PEX5L: variants seen among roughly 807,000 people sequenced by gnomAD.
The protein encoded by PEX5L is peroxisomal biogenesis factor 5 like, also known as PEX5-related protein.
A neutral mutation model predicts 84.0 loss-of-function variants in PEX5L; 30 were observed. The ratio of observed to expected loss-of-function variants is 0.36; its 90% CI spans 0.27 to 0.48. PEX5L has a LOEUF of 0.48. PEX5L is among the 20% of genes least tolerant of loss of function. PEX5L has a pLI of 0.99. For missense variants in PEX5L, 533 were observed against 754.6 expected, an observed-to-expected ratio of 0.71 and a Z score of 3.44; for synonymous variants, 270 against 283.1, an observed-to-expected ratio of 0.95 and a Z score of 0.46.
chr3:179,948,252 C>T (rs1366967036), intron 2 of PEX5L, among the ~76,000 whole-genome samples: 1 of 152,106 alleles, frequency 6.6e-6, no homozygotes, highest in African/African-American at 2.4e-5. Context: ...GGCAGATATC[C>T]CCTAAAGTTA....
intron 2 of PEX5L, among the ~76,000 whole-genome samples, chr3:179,904,045 T>C (rs1286037642): frequency 6.6e-6 from 1 of 152,220 alleles, no homozygotes; most frequent in Non-Finnish European, 1.5e-5. Flanking sequence ...GGTTCAGTGA[T>C]CTGTTTGCAG....
intron 7 of PEX5L, among the ~76,000 whole-genome samples, chr3:179,866,844 G>A (rs1748403489): frequency 1.3e-5 from 2 of 151,802 alleles, no homozygotes; most frequent in South Asian, 2.1e-4. Flanking sequence ...GGGCAACATC[G>A]CAAAACCCTG....
chr3:179,951,515 C>G (rs937618236), intron 2 of PEX5L, among the ~76,000 whole-genome samples: 5 of 152,008 alleles, frequency 3.3e-5, no homozygotes, highest in African/African-American at 9.7e-5. Flanking sequence ...TTTCTAGCCC[C>G]ACCTTTCTTC....
intron 1 of PEX5L, among the ~76,000 whole-genome samples, chr3:180,021,395 TG>T: frequency 6.6e-6 from 1 of 152,322 alleles, no homozygotes; most frequent in East Asian, 1.9e-4. Context: ...TAAGTTCAAC[TG>T]TGGAATCAGA....
intron 1 of PEX5L, among the ~76,000 whole-genome samples, chr3:180,005,514 G>A (rs1170315844): frequency 6.6e-6 from 1 of 152,180 alleles, no homozygotes; most frequent in Non-Finnish European, 1.5e-5. Flanking sequence ...GGATCACGAG[G>A]TCAAGAGATC....
chr3:180,006,922 C>A (rs533978404), intron 1 of PEX5L, among the ~76,000 whole-genome samples: 1 of 152,096 alleles, frequency 6.6e-6, no homozygotes, highest in Non-Finnish European at 1.5e-5. Context: ...CCAAACCATA[C>A]GATTCCACCC....
chr3:179,906,088 G>A (rs796999028), intron 2 of PEX5L, among the ~76,000 whole-genome samples: 29 of 152,250 alleles, frequency 1.9e-4, no homozygotes, highest in African/African-American at 5.8e-4. Context: ...AGATGTTGCC[G>A]GGTAAAGATG....
chr3:180,011,632 G>T (rs1224242562), intron 1 of PEX5L, among the ~76,000 whole-genome samples: 3 of 152,162 alleles, frequency 2.0e-5, no homozygotes, highest in Non-Finnish European at 4.4e-5. Flanking sequence ...TTAAGTGATT[G>T]TAAATAAAAT....
intron 2 of PEX5L, among the ~76,000 whole-genome samples, chr3:179,931,897 G>A (rs575890250): frequency 6.6e-6 from 1 of 151,304 alleles, no homozygotes; most frequent in Admixed American, 6.6e-5. Flanking sequence ...AGTGTTTTTG[G>A]ATGGCAGATT....
chr3:179,832,211 T>C (rs964401538), intron 8 of PEX5L, among the ~76,000 whole-genome samples: 5 of 151,810 alleles, frequency 3.3e-5, no homozygotes, highest in African/African-American at 7.3e-5. Flanking sequence ...GATTAGATGT[T>C]GGGGTGGGGT....
At chr3:179,888,172 G>A (rs1357619361) in intron 3 of PEX5L, 1 of 1,289,762 alleles carries the variant, frequency 7.8e-7, no homozygotes, top group Admixed American at 2.3e-5. Context: ...ACTCAAAGAT[G>A]ACATGTTCTG....
intron 3 of PEX5L, among the ~76,000 whole-genome samples, chr3:179,897,448 T>C (rs1759741735): frequency 6.6e-6 from 1 of 152,152 alleles, no homozygotes; most frequent in Non-Finnish European, 1.5e-5. Flanking sequence ...ACATATAGGA[T>C]TCACAGTCTC....
At chr3:179,989,478 A>G (rs1787183769) in intron 1 of PEX5L, among the ~76,000 whole-genome samples, 1 of 152,192 alleles carries the variant, frequency 6.6e-6, no homozygotes, top group Non-Finnish European at 1.5e-5. Flanking sequence ...ATGTCAGATA[A>G]CTAGTTTACA....
At chr3:179,874,150 C>T (rs879383835) in intron 7 of PEX5L, among the ~76,000 whole-genome samples, 177 bp downstream of exon 7, 5 of 130,552 alleles carry the variant, frequency 3.8e-5, no homozygotes, top group Admixed American at 8.0e-5. Flanking sequence ...TATATATATA[C>T]ACACACACCT....
chr3:180,012,510 C>T (rs1245082904), intron 1 of PEX5L, among the ~76,000 whole-genome samples: 1 of 151,956 alleles, frequency 6.6e-6, no homozygotes, highest in Non-Finnish European at 1.5e-5. Flanking sequence ...CAATTTAAAC[C>T]CATTGTCTTC....
At chr3:179,976,264 A>C (rs73883452) in intron 1 of PEX5L, among the ~76,000 whole-genome samples, 2,714 of 152,326 alleles carry the variant, frequency 0.018, 86 homozygotes, top group African/African-American at 0.063. Flanking sequence ...ACATAAGGAT[A>C]TGAACTAAAA....
intron 3 of PEX5L, among the ~76,000 whole-genome samples, chr3:179,891,793 C>T (rs958409960): frequency 1.3e-5 from 2 of 152,252 alleles, no homozygotes; most frequent in South Asian, 4.1e-4. Flanking sequence ...TCCATCCCTT[C>T]CTCTTCATTT....
intron 8 of PEX5L, among the ~76,000 whole-genome samples, chr3:179,829,403 G>C (rs1166445765): frequency 6.6e-6 from 1 of 152,208 alleles, no homozygotes; most frequent in Non-Finnish European, 1.5e-5. Flanking sequence ...CAGTGATTAA[G>C]AGCAGGAATC....
At chr3:179,871,358 C>A (rs1231542020) in intron 7 of PEX5L, among the ~76,000 whole-genome samples, 2 of 152,146 alleles carry the variant, frequency 1.3e-5, no homozygotes, top group Non-Finnish European at 2.9e-5. Context: ...CCACCTTGGC[C>A]TCCCAGAATG....
Sources: gnomAD v4.1 joint callset for allele counts (sites outside exome capture counted in the v4.1 genomes callset) on GRCh38, gnomAD v4.1.1 for gene constraint, MANE v1.5 for transcripts, NCBI Gene and HGNC (gene_info 2026-07-23, HGNC 2026-07-21) for gene names.